Variants in INTS4 observed in about 807,000 individuals in gnomAD.
The protein encoded by INTS4 is integrator complex subunit 4.
INTS4 carries 70 observed loss-of-function variants against 119.5 expected under a neutral mutation model. The observed-to-expected ratio is 0.59, with a 90% CI of 0.48 to 0.71. The LOEUF (loss-of-function observed/expected upper bound fraction) is 0.71. INTS4 is among the 30% of genes least tolerant of loss of function. The pLI is 0.00. For synonymous variants in INTS4, 316 were observed against 419.6 expected, an observed-to-expected ratio of 0.75 and a Z score of 3.02; for missense variants, 867 against 1,173.2, an observed-to-expected ratio of 0.74 and a Z score of 3.81.
chr11:77,944,956 A>G (rs187155523), intron 8 of INTS4, among the ~76,000 whole-genome samples: 2 of 152,342 alleles, frequency 1.3e-5, no homozygotes, highest in Admixed American at 1.3e-4. Flanking sequence ...GGCTCACCAG[A>G]GTTACCTGGC....
At chr11:77,889,709 G>A (rs1292910306) in intron 21 of INTS4, among the ~76,000 whole-genome samples, 1 of 152,190 alleles carries the variant, frequency 6.6e-6, no homozygotes, top group Non-Finnish European at 1.5e-5. Flanking sequence ...CTGGAACAGA[G>A]GAATGACTCC....
In INTS4 at chr11:77,904,132, CACT is replaced by C. The variant is rs763920945; in HGVS notation, c.2017-515_2017-513del. On this transcript the variant is annotated intron_variant, in intron 16 of 22. Coordinates refer to ENST00000534064, the MANE Select transcript of INTS4 (RefSeq NM_033547.4). Reference sequence around the variant, plus strand: ...TCAATCTTTCTACATTCAAAACCACCACTAAGAGCCATGATTTTACCTTCCATC... The same window carrying C: ...TCAATCTTTCTACATTCAAAACCACCAAGAGCCATGATTTTACCTTCCATC... Among the ~76,000 whole-genome samples the C allele has an allele frequency of 1.3e-3, 201 of 152,336 alleles. 1 individual carries two copies. Among genetic ancestry groups the C allele is most frequent in the Non-Finnish European group, 2.0e-3 (139 of 68,022 alleles).
At chr11:77,884,941 G>T (rs569746506) in intron 21 of INTS4, 1 of 224,064 alleles carries the variant, frequency 4.5e-6, no homozygotes, top group South Asian at 5.3e-5. Flanking sequence ...AAATTTTTTT[G>T]TAGAGACAAG....
intron 8 of INTS4, among the ~76,000 whole-genome samples, chr11:77,941,909 T>C (rs1953938171): frequency 6.6e-6 from 1 of 152,140 alleles, no homozygotes; most frequent in Non-Finnish European, 1.5e-5. Context: ...CCATTTTATA[T>C]ATGGAGAAAA....
intron 22 of INTS4, among the ~76,000 whole-genome samples, chr11:77,883,057 G>C (rs187871660): frequency 2.7e-5 from 4 of 147,610 alleles, no homozygotes; most frequent in Admixed American, 2.1e-4. Context: ...GCCTGGGCAA[G>C]AGCAAGACTC....
In INTS4 at chr11:77,960,388, G is replaced by C; in HGVS notation, c.661C>G (p.Gln221Glu). 2 of 1,588,130 alleles carry C rather than the reference G, an allele frequency of 1.3e-6. No homozygotes were observed. The highest frequency in any genetic ancestry group is 1.7e-4 in the Middle Eastern group (1 of 6,018). The change falls in exon 6 of 23, where the codon CAG (glutamine) becomes GAG (glutamate). Residue 221 changes from glutamine (Q) to glutamate (E), a missense_variant. Coordinates refer to ENST00000534064, the MANE Select transcript of INTS4 (RefSeq NM_033547.4). ...AATTTCAGTCCTCTTTCATGGAGCTGCAACTAGATAATAAATATATAGTTT... is the reference window on the plus strand; with the variant it reads ...AATTTCAGTCCTCTTTCATGGAGCTCCAACTAGATAATAAATATATAGTTT... Reference protein sequence around the residue: ...VRTAAIKAMLQLHERGLKLHQ... With the variant: ...VRTAAIKAMLELHERGLKLHQ...
At chr11:77,934,177 A>C (rs1953735125) in intron 10 of INTS4, among the ~76,000 whole-genome samples, 1 of 152,004 alleles carries the variant, frequency 6.6e-6, no homozygotes, top group Non-Finnish European at 1.5e-5. Flanking sequence ...TTTGTTAAAC[A>C]GATGCTTGAA....
chr11:77,970,832 C>T (rs1855700096), intron 4 of INTS4, among the ~76,000 whole-genome samples: 1 of 151,960 alleles, frequency 6.6e-6, no homozygotes, highest in African/African-American at 2.4e-5. Context: ...TGTTTTCAGA[C>T]AAGAGTCTTG....
At chr11:77,891,500 G>A in intron 20 of INTS4, 38 bp from the exon 21 acceptor site, 1 of 1,610,022 alleles carries the variant, frequency 6.2e-7, no homozygotes, top group Non-Finnish European at 8.5e-7. Flanking sequence ...TTTAAAGCCA[G>A]GTCATTCCTG....
In INTS4 at chr11:77,958,728, G is replaced by C. The variant is rs1263653352; in HGVS notation, c.797+18C>G. 1.1e-5 allele frequency: 17 copies of C among 1,534,462 alleles called. No individual in the cohort carries two copies. The highest frequency in any genetic ancestry group is 1.5e-5 in the Non-Finnish European group (17 of 1,110,132). On this transcript the variant is annotated intron_variant, in intron 7 of 22. Coordinates refer to ENST00000534064, the MANE Select transcript of INTS4 (RefSeq NM_033547.4). ...ACGGCTTCACAATCAACAAAAGCCA[G>C]CTTACACCCACACTGACCTTTCAGG...
intron 1 of INTS4, among the ~76,000 whole-genome samples, chr11:77,993,261 A>C (rs1038442205): frequency 1.1e-4 from 16 of 152,238 alleles, no homozygotes; most frequent in African/African-American, 3.9e-4. Context: ...CAAAAAGTAC[A>C]AATAGATTAG....
chr11:77,958,743 G>A lies in INTS4; in HGVS notation c.797+3C>T, dbSNP rs765363283. The A allele has an allele frequency of 1.5e-5, 24 of 1,595,352 alleles. No individual in the cohort carries two copies. In the South Asian group the frequency reaches 2.4e-4, roughly 16 times the overall value. Reference sequence around the variant, plus strand: ...ACAAAAGCCAGCTTACACCCACACTGACCTTTCAGGATAGAGCTGACTGAC... The same window carrying A: ...ACAAAAGCCAGCTTACACCCACACTAACCTTTCAGGATAGAGCTGACTGAC... On this transcript the variant is annotated splice_donor_region_variant and intron_variant, in intron 7 of 22. Coordinates refer to ENST00000534064, the MANE Select transcript of INTS4 (RefSeq NM_033547.4).
At chr11:77,982,282 C>T (rs1017438883) in intron 2 of INTS4, among the ~76,000 whole-genome samples, 1 of 152,030 alleles carries the variant, frequency 6.6e-6, no homozygotes, top group Non-Finnish European at 1.5e-5. Context: ...ACTACAGATA[C>T]ATGCTACCAC....
chr11:77,886,581 G>A (rs1264207195), intron 21 of INTS4, among the ~76,000 whole-genome samples: 4 of 152,290 alleles, frequency 2.6e-5, no homozygotes, highest in Admixed American at 1.3e-4. Context: ...AATTAGTGAC[G>A]CACATGAATG....
In INTS4 at chr11:77,891,420, A is replaced by G. The variant is rs1195877369; in HGVS notation, c.2491T>C (p.Ser831Pro). 1.2e-6 allele frequency: 2 copies of G among 1,613,532 alleles called. No individual in the cohort carries two copies. The highest frequency in any genetic ancestry group is 1.7e-6 in the Non-Finnish European group (2 of 1,179,764). The change falls in exon 21 of 23, where the codon TCA becomes CCA. Residue 831 changes from serine to proline, a missense_variant. Physicochemically the swap from Ser to Pro is moderately conservative, Grantham distance 74. Coordinates refer to ENST00000534064, the MANE Select transcript of INTS4 (RefSeq NM_033547.4). ...GAGGTAAACCGCAAAGGGTTGTCTGACTCGCCCGCTGGCTCGATGATGGTG... is the reference window on the plus strand; with the variant it reads ...GAGGTAAACCGCAAAGGGTTGTCTGGCTCGCCCGCTGGCTCGATGATGGTG... ...SATIIEPAGESDNPLRFTSGL... is the reference protein window; with the variant it reads ...SATIIEPAGEPDNPLRFTSGL...
chr11:77,894,532 C>T (rs1952428230), intron 18 of INTS4, among the ~76,000 whole-genome samples, 183 bp from the exon 19 acceptor site: 3 of 152,156 alleles, frequency 2.0e-5, no homozygotes, highest in Admixed American at 1.3e-4. Context: ...ATCCCAAGAC[C>T]TGATTAAACC....
At chr11:77,982,046 G>A (rs1231701674) in intron 2 of INTS4, among the ~76,000 whole-genome samples, 1 of 151,902 alleles carries the variant, frequency 6.6e-6, no homozygotes, top group Non-Finnish European at 1.5e-5. Context: ...ATACAACATT[G>A]CTGCCAGTAC....
chr11:77,893,724 C>A (rs1565227780), intron 19 of INTS4, among the ~76,000 whole-genome samples: 1 of 152,030 alleles, frequency 6.6e-6, no homozygotes, highest in African/African-American at 2.4e-5. Context: ...GAAACCCCGT[C>A]TCTACTAAAA....
At chr11:77,954,501 T>C (rs541204224) in intron 8 of INTS4, among the ~76,000 whole-genome samples, 27 of 152,036 alleles carry the variant, frequency 1.8e-4, no homozygotes, top group African/African-American at 3.6e-4. Flanking sequence ...AATGAGAAAA[T>C]ATATGTAAGG....
Sources: gnomAD v4.1 joint callset for allele counts (sites outside exome capture counted in the v4.1 genomes callset) on GRCh38, gnomAD v4.1.1 for gene constraint, MANE v1.5 for transcripts, NCBI Gene and HGNC (gene_info 2026-07-23, HGNC 2026-07-21) for gene names.